The following MAPKAP1 variants were observed in gnomAD, a reference collection of about 807,000 sequenced individuals.
MAPKAP1 encodes the protein target of rapamycin complex 2 subunit MAPKAP1.
In MAPKAP1, 20 loss-of-function variants were observed where a neutral mutation model predicts 65.7. That is an observed-to-expected ratio of 0.30 (90% CI 0.21 to 0.44). The LOEUF (loss-of-function observed/expected upper bound fraction) is 0.44, where lower values mean the gene tolerates loss of function less well. MAPKAP1 is among the 20% of genes least tolerant of loss of function. MAPKAP1 has a pLI of 1.00. For synonymous variants in MAPKAP1, 222 were observed against 244.3 expected (o/e 0.91, Z 0.85); for missense variants, 423 against 648.0 (o/e 0.65, Z 3.77).
chr9:125,545,092 A>C (rs1052548788), intron 6 of MAPKAP1, among the ~76,000 whole-genome samples: 4 of 152,208 alleles, frequency 2.6e-5, no homozygotes, highest in Non-Finnish European at 5.9e-5. Flanking sequence ...AGCAGGCCTG[A>C]GAACTGTCAA....
intron 1 of MAPKAP1, chr9:125,696,417 A>C (rs1835385870): frequency 6.7e-6 from 1 of 149,582 alleles, no homozygotes; most frequent in Non-Finnish European, 1.5e-5. Flanking sequence ...GTCTCGAAAA[A>C]AAAACAAAAA....
chr9:125,588,137 A>G (rs1313395877), intron 4 of MAPKAP1, among the ~76,000 whole-genome samples: 1 of 152,236 alleles, frequency 6.6e-6, no homozygotes, highest in Non-Finnish European at 1.5e-5. Context: ...AGTATTATTT[A>G]TAATAGCCAA....
chr9:125,441,207 C>A (rs766072499), intron 11 of MAPKAP1, among the ~76,000 whole-genome samples: 8 of 152,146 alleles, frequency 5.3e-5, no homozygotes, highest in Non-Finnish European at 7.4e-5. Context: ...CACTCAATCA[C>A]GAGAAGAACC....
chr9:125,439,101 C>G lies in MAPKAP1; in HGVS notation c.1444-89G>C, dbSNP rs540616451. On this transcript the variant is annotated intron_variant, in intron 11 of 11. Transcript: ENST00000265960. The surrounding 1 kb of genome is among the most constrained non-coding windows in gnomAD (Gnocchi z 4.0). The stretch of plus-strand genomic sequence containing the variant: ...GAGGGGGTGGCAGGGAAGGCCCTGA[C>G]CTGGGCCGGGTGCCTCAGGGCCAGG... The G allele has an allele frequency of 1.1e-3, 1,710 of 1,518,916 alleles. 2 individuals are homozygous for G. Among genetic ancestry groups the G allele is most frequent in the Non-Finnish European group, 1.5e-3 (1,653 of 1,120,964 alleles). The allele number at this position is 1,518,916 out of a possible 1,614,324, so 94.1% of individuals were successfully genotyped here. A position where few individuals can be genotyped will look rare whatever the true frequency, so the allele number is the denominator to read the frequency against.
At chr9:125,517,131 AG>A (rs1829484030) in intron 7 of MAPKAP1, among the ~76,000 whole-genome samples, 1 of 152,184 alleles carries the variant, frequency 6.6e-6, no homozygotes, top group Non-Finnish European at 1.5e-5. Context: ...CCAATTCCAA[AG>A]CCTGTGCTCT....
chr9:125,602,325 C>A (rs1381840700), intron 4 of MAPKAP1, among the ~76,000 whole-genome samples: 1 of 152,148 alleles, frequency 6.6e-6, no homozygotes, highest in Non-Finnish European at 1.5e-5. Context: ...TAGAACAGCG[C>A]TTCCTGTTGG....
chr9:125,514,018 A>T (rs1359527248), intron 7 of MAPKAP1, among the ~76,000 whole-genome samples: 1 of 152,230 alleles, frequency 6.6e-6, no homozygotes. Context: ...AAACCACGGC[A>T]GCACAGATAT....
chr9:125,702,302 A>C (rs1327318439), intron 1 of MAPKAP1, among the ~76,000 whole-genome samples: 1 of 152,282 alleles, frequency 6.6e-6, no homozygotes, highest in African/African-American at 2.4e-5. Flanking sequence ...TGGGAGGCCA[A>C]GGCAGGTGGA....
intron 4 of MAPKAP1, among the ~76,000 whole-genome samples, chr9:125,592,560 A>G (rs1410278100): frequency 1.3e-5 from 2 of 152,202 alleles, no homozygotes; most frequent in Non-Finnish European, 2.9e-5. Flanking sequence ...GAGAGGATCG[A>G]TTTCAAAAAT....
rs62567184 is a variant in MAPKAP1, at chr9:125,705,621, T to C, written c.-70+1350A>G. Reference sequence around the variant, plus strand: ...CCTAGCATGGTACCTGGCATATATATACATATCCATATTCAGTAAACATTT... The same window carrying C: ...CCTAGCATGGTACCTGGCATATATACACATATCCATATTCAGTAAACATTT... On this transcript the variant is annotated intron_variant, in intron 1 of 11. Transcript: ENST00000265960. Among the ~76,000 whole-genome samples the C allele has an allele frequency of 7.8e-3, 1,192 of 152,340 alleles. 7 individuals carry two copies. The highest frequency in any genetic ancestry group is 0.014 in the Middle Eastern group (4 of 294).
chr9:125,603,081 T>G (rs1157676840), intron 4 of MAPKAP1, among the ~76,000 whole-genome samples: 2 of 144,792 alleles, frequency 1.4e-5, no homozygotes, highest in African/African-American at 5.3e-5. Flanking sequence ...TTTCTTTCTT[T>G]TTTTTTTATA....
chr9:125,679,022 G>A (rs1269302894), intron 1 of MAPKAP1, among the ~76,000 whole-genome samples: 1 of 147,848 alleles, frequency 6.8e-6, no homozygotes, highest in Non-Finnish European at 1.5e-5. Context: ...TTTTTTTTGA[G>A]ATGGAGTCTC....
chr9:125,704,421 T>TC (rs1835697901), intron 1 of MAPKAP1, among the ~76,000 whole-genome samples: 1 of 152,206 alleles, frequency 6.6e-6, no homozygotes, highest in Non-Finnish European at 1.5e-5. Flanking sequence ...CTATGGTACC[T>TC]CCTGGGGACT....
chr9:125,580,424 A>T (rs1369779619), intron 5 of MAPKAP1, among the ~76,000 whole-genome samples: 3 of 150,356 alleles, frequency 2.0e-5, no homozygotes, highest in African/African-American at 7.3e-5. Flanking sequence ...TTCTGAGCAA[A>T]CTATCACAAG....
intron 1 of MAPKAP1, among the ~76,000 whole-genome samples, chr9:125,701,074 A>G (rs1835581427): frequency 6.6e-6 from 1 of 152,226 alleles, no homozygotes; most frequent in Non-Finnish European, 1.5e-5. Flanking sequence ...GATTTGAGTC[A>G]TCTCCACTGG....
At chr9:125,514,338 G>A (rs1829398535) in intron 7 of MAPKAP1, among the ~76,000 whole-genome samples, 1 of 152,152 alleles carries the variant, frequency 6.6e-6, no homozygotes, top group Admixed American at 6.5e-5. Context: ...AGCTCAAGCT[G>A]CCTCGCTGCC....
At chr9:125,508,735 G>C (rs934199526) in intron 7 of MAPKAP1, among the ~76,000 whole-genome samples, 6 of 152,098 alleles carry the variant, frequency 3.9e-5, no homozygotes, top group African/African-American at 1.4e-4. Context: ...CATGCCTGTA[G>C]TCCCAGCTAC....
intron 8 of MAPKAP1, among the ~76,000 whole-genome samples, chr9:125,485,786 C>G (rs1453408508): frequency 6.6e-6 from 1 of 152,194 alleles, no homozygotes; most frequent in Non-Finnish European, 1.5e-5. Flanking sequence ...TGGAGCCCGA[C>G]AGCTGCGGCC....
At chr9:125,548,260 G>C (rs1319756785) in intron 6 of MAPKAP1, among the ~76,000 whole-genome samples, 1 of 152,204 alleles carries the variant, frequency 6.6e-6, no homozygotes, top group Non-Finnish European at 1.5e-5. Flanking sequence ...AGAAAGATAA[G>C]AAGTCAACAA....
Sources: gnomAD v4.1 joint callset for allele counts (sites outside exome capture counted in the v4.1 genomes callset) on GRCh38, gnomAD v4.1.1 for gene constraint, Gnocchi (gnomAD v3.1) non-coding constraint, MANE v1.5 for transcripts, NCBI Gene and HGNC (gene_info 2026-07-23, HGNC 2026-07-21) for gene names.